The following ABCA9 variants were observed in gnomAD, a reference collection of about 807,000 sequenced individuals.
The protein encoded by ABCA9 is ATP-binding cassette sub-family A member 9.
A neutral mutation model predicts 205.3 loss-of-function variants in ABCA9; 183 were observed. The observed-to-expected ratio is 0.89, with a 90% CI of 0.79 to 1.01. The LOEUF (loss-of-function observed/expected upper bound fraction) is 1.01. Among genes scored for constraint, ABCA9 ranks in the 50% least tolerant of loss-of-function variants. ABCA9 has a pLI of 0.00. For missense variants in ABCA9, 1,805 were observed against 1,912.4 expected, an observed-to-expected ratio of 0.94 and a Z score of 1.05; for synonymous variants, 651 against 683.3, an observed-to-expected ratio of 0.95 and a Z score of 0.74.
intron 6 of ABCA9, among the ~76,000 whole-genome samples, chr17:69,041,821 G>A (rs1324316905): frequency 6.6e-6 from 1 of 151,918 alleles, no homozygotes. Flanking sequence ...GGACATCAGA[G>A]AAAAACTTTC....
At position 68,974,491 on chromosome 17, in the gene ABCA9, C is replaced by T. The variant is rs558143881; in HGVS notation, c.*1424G>A. The T allele has an allele frequency of 3.3e-5, 5 of 152,250 alleles. No homozygotes were observed. The highest frequency in any genetic ancestry group is 4.1e-4 in the South Asian group (2 of 4,822). 9.4% of individuals were successfully genotyped at this position (152,250 alleles called of 1,614,324 possible). A position where few individuals can be genotyped will look rare whatever the true frequency, so the allele number is the denominator to read the frequency against. Reference sequence around the variant, plus strand: ...CCAAGGTCTCAGACGAATATTCTTACGGGTTGATGGAAGTGTTTTATTTTC... The same window carrying T: ...CCAAGGTCTCAGACGAATATTCTTATGGGTTGATGGAAGTGTTTTATTTTC... On this transcript the variant is annotated 3_prime_UTR_variant, in exon 39 of 39. Coordinates refer to ENST00000340001, the MANE Select transcript of ABCA9 (RefSeq NM_080283.4).
intron 6 of ABCA9, among the ~76,000 whole-genome samples, chr17:69,041,408 ATT>A (rs2071531633): frequency 6.6e-6 from 1 of 152,038 alleles, no homozygotes; most frequent in South Asian, 2.1e-4. Context: ...TTTGTATATC[ATT>A]TTTTAAAAAA....
At chr17:69,013,499 T>G (rs1267226652) in intron 22 of ABCA9, among the ~76,000 whole-genome samples, 1 of 152,112 alleles carries the variant, frequency 6.6e-6, no homozygotes, top group Admixed American at 6.5e-5. Context: ...TCTTTGCCTG[T>G]GGATACCATT....
At chr17:69,003,590 T>C (rs2069976862) in intron 25 of ABCA9, among the ~76,000 whole-genome samples, 1 of 144,084 alleles carries the variant, frequency 6.9e-6, no homozygotes, top group East Asian at 2.0e-4. Context: ...CTGACAATTA[T>C]GTGTCTTGGA....
chr17:69,073,725 C>T, the ABCA9 span, among the ~76,000 whole-genome samples: 1 of 152,160 alleles, frequency 6.6e-6, no homozygotes, highest in Non-Finnish European at 1.5e-5. Flanking sequence ...CAAAAGCTAG[C>T]AGAAGACAAG....
intron 37 of ABCA9, among the ~76,000 whole-genome samples, chr17:68,981,746 G>T (rs1251012745): frequency 4.9e-5 from 7 of 143,926 alleles, no homozygotes; most frequent in Admixed American, 4.4e-4. Flanking sequence ...AGAATTGCTT[G>T]AACCCAGGAG....
At position 68,975,688 on chromosome 17, in the gene ABCA9, T is replaced by G; in HGVS notation, c.*227A>C. The G allele has an allele frequency of 4.8e-6, 2 of 416,598 alleles. No individual in the cohort carries two copies. Among genetic ancestry groups the G allele is most frequent in the Non-Finnish European group, 4.3e-6 (1 of 231,340 alleles). The allele number at this position is 416,598 out of a possible 1,614,324, so 25.8% of individuals were successfully genotyped here. On this transcript the variant is annotated 3_prime_UTR_variant, in exon 39 of 39. Coordinates refer to ENST00000340001, the MANE Select transcript of ABCA9 (RefSeq NM_080283.4). ...ACTTAACACAGTAGGAAACATGGGA[T>G]TTGGTTGCTGGCACAAAGGCTGCAT...
chr17:69,061,940 A>G (rs1031253259), upstream of ABCA9, among the ~76,000 whole-genome samples: 2 of 152,240 alleles, frequency 1.3e-5, no homozygotes, highest in African/African-American at 4.8e-5. Context: ...CAATAAATGC[A>G]TGCAATTCTT....
chr17:69,031,042 T>C (rs569075919), intron 10 of ABCA9, among the ~76,000 whole-genome samples: 2 of 152,122 alleles, frequency 1.3e-5, no homozygotes, highest in South Asian at 2.1e-4. Context: ...ACAGATAAAA[T>C]CTCCTACACT....
At chr17:69,045,114 C>T in intron 4 of ABCA9, 58 bp downstream of exon 4, 3 of 1,454,044 alleles carry the variant, frequency 2.1e-6, no homozygotes, top group Non-Finnish European at 2.8e-6. Flanking sequence ...TCAGGTATGC[C>T]CCCTTTGTGG....
At position 69,032,253 on chromosome 17, in the gene ABCA9, G is replaced by C. The variant is rs753023052; in HGVS notation, c.1300C>G (p.Pro434Ala). The change falls in exon 10 of 39, where the codon CCC becomes GCC. Residue 434 changes from proline to alanine, a missense_variant. Transcript: ENST00000340001. ...LPAEYGHRCS[P>A]LFFLKSCFWF... ...AAACAGGATTTCAGGAAAAACAAGG[G>C]AGAACATCGATGTCCATATTCAGCT... The C allele has an allele frequency of 1.2e-6, 2 of 1,613,802 alleles. No homozygotes were observed. The highest frequency in any genetic ancestry group is 1.7e-6 in the Non-Finnish European group (2 of 1,179,874).
intron 18 of ABCA9, 62 bp downstream of exon 18, chr17:69,021,680 C>A: frequency 1.0e-5 from 9 of 869,726 alleles, no homozygotes; most frequent in South Asian, 8.4e-5. Flanking sequence ...TTTCTTTCGT[C>A]CTTCCTTCCT....
intron 10 of ABCA9, 150 bp downstream of exon 10, chr17:69,031,958 G>A: frequency 1.8e-6 from 1 of 563,430 alleles, no homozygotes; most frequent in East Asian, 2.9e-5. Flanking sequence ...GTGCTATGAA[G>A]GATGAGTATA....
At chr17:69,036,035 T>C (rs1316429247) in intron 6 of ABCA9, among the ~76,000 whole-genome samples, 3 of 152,210 alleles carry the variant, frequency 2.0e-5, no homozygotes, top group East Asian at 1.9e-4. Flanking sequence ...AGCTGGATGA[T>C]ACAATGGATG....
At position 69,018,513 on chromosome 17, in the gene ABCA9, C is replaced by A; in HGVS notation, c.2667G>T (p.Gln889His). ...LLEHLFYESY[Q>H]KSYPWELSPN... Reference sequence around the variant, plus strand: ...GAGACAGTTCCCACGGGTAACTTTTCTGATATGACTCGTAGAATAGATGTT... The same window carrying A: ...GAGACAGTTCCCACGGGTAACTTTTATGATATGACTCGTAGAATAGATGTT... The change falls in exon 20 of 39, where the codon CAG becomes CAT. Residue 889 changes from glutamine (Q) to histidine (H), a missense_variant. Gln to His is a conservative substitution (Grantham distance 24). Transcript: ENST00000340001. The A allele has an allele frequency of 3.7e-6, 6 of 1,608,526 alleles. No homozygotes were observed. The highest frequency in any genetic ancestry group is 5.1e-6 in the Non-Finnish European group (6 of 1,177,544).
At chr17:69,019,351 T>TTGAA (rs1360999144) in intron 19 of ABCA9, among the ~76,000 whole-genome samples, 2 of 152,148 alleles carry the variant, frequency 1.3e-5, no homozygotes, top group Non-Finnish European at 2.9e-5. Context: ...CCTTAGCTCT[T>TTGAA]TGAATATATT....
chr17:69,044,604 T>C lies in ABCA9; in HGVS notation c.470-4A>G, dbSNP rs2071650397. 1 of 1,611,148 alleles carries C rather than the reference T, an allele frequency of 6.2e-7. No homozygotes were observed. Among genetic ancestry groups the C allele is most frequent in the Non-Finnish European group, 8.5e-7 (1 of 1,178,146 alleles). On this transcript the variant is annotated splice_polypyrimidine_tract_variant and splice_region_variant and intron_variant, in intron 4 of 38. Transcript: ENST00000340001. ...TCATTCACTGCTTGACAGTGAGCTT[T>C]AGAAGAAGAACACATCCATTATTAC... is the stretch of plus-strand genomic sequence containing the variant.
intron 3 of ABCA9, among the ~76,000 whole-genome samples, chr17:69,047,302 T>C (rs567431247): frequency 5.3e-5 from 8 of 150,472 alleles, no homozygotes; most frequent in East Asian, 3.9e-4. Flanking sequence ...GCTTTTTCAC[T>C]GTGACCGATC....
the ABCA9 span, among the ~76,000 whole-genome samples, chr17:69,071,193 T>C: frequency 3.9e-5 from 6 of 152,368 alleles, no homozygotes; most frequent in South Asian, 2.1e-4. Context: ...TCCTGCCTGC[T>C]GGCTCTGAAG....
Sources: allele counts gnomAD v4.1 joint callset (sites outside exome capture counted in the v4.1 genomes callset), GRCh38; gene constraint gnomAD v4.1.1; transcripts MANE v1.5; gene names NCBI Gene and HGNC (gene_info 2026-07-23, HGNC 2026-07-21).